Variants in LRBA observed in about 807,000 individuals in gnomAD.
The protein encoded by LRBA is lipopolysaccharide-responsive and beige-like anchor protein.
LRBA carries 176 observed loss-of-function variants against 330.0 expected under a neutral mutation model. The ratio of observed to expected loss-of-function variants is 0.53; its 90% CI spans 0.47 to 0.60. The LOEUF is 0.60. Ranked by LOEUF, LRBA falls within the 20% of genes least tolerant of loss-of-function variation. LRBA has a pLI of 0.00. For synonymous variants in LRBA, 1,230 were observed against 1,193.0 expected, an observed-to-expected ratio of 1.03 and a Z score of -0.64; for missense variants, 3,259 against 3,444.8, an observed-to-expected ratio of 0.95 and a Z score of 1.35.
intron 38 of LRBA, among the ~76,000 whole-genome samples, 193 bp from the exon 39 acceptor site, chr4:150,591,052 T>C (rs1772764682): frequency 1.3e-5 from 2 of 152,160 alleles, no homozygotes; most frequent in Non-Finnish European, 2.9e-5. Context: ...CCTAGTCTAA[T>C]GTTACCCTAA....
intron 35 of LRBA, among the ~76,000 whole-genome samples, chr4:150,757,653 C>G (rs1007081084): frequency 6.6e-6 from 1 of 152,098 alleles, no homozygotes; most frequent in Non-Finnish European, 1.5e-5. Flanking sequence ...CACATCTACT[C>G]CTATGAAAAC....
At chr4:150,544,888 C>T (rs1244229275) in intron 40 of LRBA, among the ~76,000 whole-genome samples, 2 of 152,046 alleles carry the variant, frequency 1.3e-5, no homozygotes, top group African/African-American at 4.8e-5. Flanking sequence ...CCAAAACAAA[C>T]AAGAAAAAGT....
intron 47 of LRBA, among the ~76,000 whole-genome samples, chr4:150,412,991 C>T (rs1331887655): frequency 2.6e-5 from 4 of 151,596 alleles, no homozygotes; most frequent in Non-Finnish European, 4.4e-5. Flanking sequence ...GGAGAATACA[C>T]AAAGATCTCT....
intron 22 of LRBA, among the ~76,000 whole-genome samples, chr4:150,853,569 A>T (rs775759154): frequency 6.6e-6 from 1 of 152,186 alleles, no homozygotes; most frequent in Non-Finnish European, 1.5e-5. Flanking sequence ...CCATCCATAC[A>T]TCCATTCATT....
At chr4:150,824,337 A>G (rs372978673) in intron 30 of LRBA, among the ~76,000 whole-genome samples, 1 of 152,130 alleles carries the variant, frequency 6.6e-6, no homozygotes, top group East Asian at 1.9e-4. Context: ...GTTTTTCTAA[A>G]TACTCTAAAT....
intron 2 of LRBA, among the ~76,000 whole-genome samples, chr4:150,996,822 T>C (rs1000523416): frequency 4.6e-5 from 7 of 152,014 alleles, no homozygotes; most frequent in African/African-American, 1.7e-4. Flanking sequence ...GCCATCTTAC[T>C]AACTATGACA....
At chr4:150,825,884 T>C (rs1002222274) in intron 30 of LRBA, among the ~76,000 whole-genome samples, 1 of 152,152 alleles carries the variant, frequency 6.6e-6, no homozygotes, top group Non-Finnish European at 1.5e-5. Context: ...TTGCCTGCCA[T>C]TTCCAAAGAA....
At chr4:150,914,791 CT>C (rs34710798) in intron 8 of LRBA, among the ~76,000 whole-genome samples, 46 of 152,218 alleles carry the variant, frequency 3.0e-4, no homozygotes, top group Middle Eastern at 3.4e-3. Context: ...CATATGAGCC[CT>C]TTTTTGTACT....
intron 47 of LRBA, among the ~76,000 whole-genome samples, chr4:150,414,786 C>T (rs960268300): frequency 2.6e-5 from 4 of 152,130 alleles, no homozygotes; most frequent in African/African-American, 7.2e-5. Context: ...CCACCGCACC[C>T]GGCCAAGATT....
At chr4:150,929,176 C>G (rs1040884084) in intron 2 of LRBA, 111 bp from the exon 3 acceptor site, 7 of 623,972 alleles carry the variant, frequency 1.1e-5, no homozygotes, top group Middle Eastern at 3.1e-4. Context: ...TCCTCCACAT[C>G]AAAAGGTTCA....
Position 150,390,947 on chromosome 4 carries a change from A to G in LRBA, c.7194+24491T>C, listed in dbSNP as rs556325204. ...AGCTACTAATTGTCTCCCATTGTCT[A>G]TTTACCTCCTTCTTCCTTTTAGCAA... On this transcript the variant is annotated intron_variant, in intron 47 of 56. Coordinates refer to ENST00000651943, the MANE Select transcript of LRBA (RefSeq NM_001364905.1). 5.9e-5 allele frequency among the ~76,000 whole-genome samples: 9 copies of G among 152,132 alleles called. No individual in the cohort carries two copies. The South Asian group carries it at 8.3e-4, about 14-fold the overall frequency.
At chr4:150,301,077 A>AT (rs1729614262) in intron 53 of LRBA, among the ~76,000 whole-genome samples, 1 of 152,086 alleles carries the variant, frequency 6.6e-6, no homozygotes, top group Non-Finnish European at 1.5e-5. Flanking sequence ...AATTTTAAAT[A>AT]TAGGTTTGCC....
chr4:150,497,684 T>A (rs1398484876), intron 40 of LRBA, among the ~76,000 whole-genome samples: 1 of 152,160 alleles, frequency 6.6e-6, no homozygotes, highest in Non-Finnish European at 1.5e-5. Flanking sequence ...AAATTAAAAA[T>A]ATATAAATAA....
At chr4:150,955,326 A>C (rs543176818) in intron 2 of LRBA, among the ~76,000 whole-genome samples, 1 of 149,460 alleles carries the variant, frequency 6.7e-6, no homozygotes, top group South Asian at 2.1e-4. Flanking sequence ...AGATGAATGA[A>C]AATGAAGATA....
intron 44 of LRBA, among the ~76,000 whole-genome samples, chr4:150,461,420 T>C (rs1027425236): frequency 6.6e-6 from 1 of 151,834 alleles, no homozygotes; most frequent in African/African-American, 2.4e-5. Context: ...TTTTATGTTA[T>C]GCTACGGTAT....
chr4:150,595,320 A>C (rs1211076082), intron 38 of LRBA, among the ~76,000 whole-genome samples: 1 of 151,940 alleles, frequency 6.6e-6, no homozygotes, highest in Non-Finnish European at 1.5e-5. Context: ...TTAGATAGAG[A>C]ACCTAGTATA....
chr4:150,609,492 T>C (rs1423849566), intron 37 of LRBA, among the ~76,000 whole-genome samples: 1 of 152,162 alleles, frequency 6.6e-6, no homozygotes, highest in Non-Finnish European at 1.5e-5. Flanking sequence ...CCCCAAAGCC[T>C]ATACATATCT....
chr4:150,792,054 A>AGGC (rs1578796346), intron 34 of LRBA, among the ~76,000 whole-genome samples: 7 of 149,792 alleles, frequency 4.7e-5, no homozygotes, highest in East Asian at 1.9e-4. Flanking sequence ...AAAAAAAAGA[A>AGGC]GGCTTATTTC....
At chr4:150,400,584 T>G (rs918288826) in intron 47 of LRBA, among the ~76,000 whole-genome samples, 2 of 152,184 alleles carry the variant, frequency 1.3e-5, no homozygotes, top group Non-Finnish European at 2.9e-5. Context: ...CCAAGTGCAG[T>G]GGCTCATGCC....
Sources: gnomAD v4.1 joint callset for allele counts (sites outside exome capture counted in the v4.1 genomes callset) on GRCh38, gnomAD v4.1.1 for gene constraint, MANE v1.5 for transcripts, NCBI Gene and HGNC (gene_info 2026-07-23, HGNC 2026-07-21) for gene names.